Variants in DYNC2H1 observed in about 807,000 individuals in gnomAD.
DYNC2H1 encodes the protein cytoplasmic dynein 2 heavy chain 1.
A neutral mutation model predicts 570.0 loss-of-function variants in DYNC2H1; 410 were observed. The observed-to-expected ratio is 0.72, with a 90% CI of 0.66 to 0.78. The LOEUF (loss-of-function observed/expected upper bound fraction) is 0.78. Ranked by LOEUF, DYNC2H1 falls within the 30% of genes least tolerant of loss-of-function variation. The probability of loss-of-function intolerance (pLI) is 0.00; values close to 1 mark genes in which losing one functional copy is unlikely to be tolerated. For synonymous variants in DYNC2H1, 1,688 were observed against 1,677.6 expected (o/e 1.01, Z -0.15); for missense variants, 4,865 against 5,046.4 (o/e 0.96, Z 1.09).
intron 85 of DYNC2H1, among the ~76,000 whole-genome samples, chr11:103,441,195 C>A (rs11225798): frequency 6.6e-6 from 1 of 151,738 alleles, no homozygotes; most frequent in Admixed American, 6.6e-5. Flanking sequence ...AAACCCAGCT[C>A]GCTCCCTCTC....
rs375636006 is a variant in DYNC2H1 at position 103,156,400 on chromosome 11, C to T, written c.3757C>T (p.Arg1253Trp). 1.7e-5 allele frequency: 27 copies of T among 1,612,426 alleles called. No homozygotes were observed. Among genetic ancestry groups the T allele is most frequent in the East Asian group, 8.9e-5 (4 of 44,828 alleles). ...TTGTGTTAAATAGGATTTAAATAGT[C>T]GGGCACAAGGTGAAGTTACAATCAG... is the stretch of plus-strand genomic sequence containing the variant. ...KAADLKDLNS[R>W]AQGEVTIREA... The change falls in exon 26 of 89, where the codon CGG becomes TGG. Residue 1253 changes from arginine (R) to tryptophan (W), a missense_variant. Physicochemically the swap from Arg to Trp is moderately radical, Grantham distance 101. Around this residue, in one of 5 missense-constraint regions of DYNC2H1, gnomAD observed 1,936 missense variants for 1,962.1 expected, o/e 0.99. Transcript: ENST00000375735.
intron 25 of DYNC2H1, among the ~76,000 whole-genome samples, chr11:103,156,164 A>C (rs1485221772): frequency 6.6e-6 from 1 of 151,930 alleles, no homozygotes; most frequent in East Asian, 1.9e-4. Context: ...AACTTTGTAT[A>C]TATTTTGACC....
intron 28 of DYNC2H1, among the ~76,000 whole-genome samples, chr11:103,160,530 C>A (rs945349708): frequency 1.3e-5 from 2 of 151,938 alleles, no homozygotes; most frequent in African/African-American, 4.8e-5. Flanking sequence ...ATTTTTCACT[C>A]CCCCAAGAAT....
At chr11:103,182,310 C>A (rs1185292305) in intron 40 of DYNC2H1, among the ~76,000 whole-genome samples, 1 of 150,070 alleles carries the variant, frequency 6.7e-6, no homozygotes, top group Non-Finnish European at 1.5e-5. Context: ...CAATAAATAC[C>A]TATATATATG....
At chr11:103,119,536 C>T (rs1234610281) in intron 6 of DYNC2H1, among the ~76,000 whole-genome samples, 11 of 152,094 alleles carry the variant, frequency 7.2e-5, no homozygotes, top group Admixed American at 1.3e-4. Flanking sequence ...GATGGAGTTT[C>T]GCCATGTTGG....
At chr11:103,387,709 T>G (rs1941948045) in intron 83 of DYNC2H1, among the ~76,000 whole-genome samples, 1 of 152,202 alleles carries the variant, frequency 6.6e-6, no homozygotes. Context: ...CAGTTTCAGC[T>G]TTCTATATAT....
At chr11:103,112,274 T>C (rs767880166) in intron 1 of DYNC2H1, among the ~76,000 whole-genome samples, 1 of 152,192 alleles carries the variant, frequency 6.6e-6, no homozygotes, top group South Asian at 2.1e-4. Context: ...TGAAGGAACA[T>C]TGTGGTAGAT....
rs965276359 is a variant in DYNC2H1, at chr11:103,145,840, G to C, written c.2703-1932G>C. On this transcript the variant is annotated intron_variant, in intron 18 of 88. Coordinates refer to ENST00000375735, the MANE Select transcript of DYNC2H1 (RefSeq NM_001377.3). This position sits in a 1 kb window ranked among gnomAD's most constrained non-coding sequence, Gnocchi z 4.2. ...CTATCTATGGCTGAACAGAATCTCA[G>C]TTTCATATTGTGAATATTTTCAAAT... 3.9e-5 allele frequency among the ~76,000 whole-genome samples: 6 copies of C among 152,142 alleles called. No individual in the cohort carries two copies. The highest frequency in any genetic ancestry group is 2.6e-4 in the Admixed American group (4 of 15,276).
intron 24 of DYNC2H1, 34 bp from the exon 25 acceptor site, chr11:103,155,297 A>T (rs768694636): frequency 6.4e-7 from 1 of 1,550,932 alleles, no homozygotes; most frequent in South Asian, 1.2e-5. Flanking sequence ...ATATGTGTAT[A>T]CATATGACTT....
intron 48 of DYNC2H1, 130 bp downstream of exon 48, chr11:103,198,193 G>C: frequency 9.3e-7 from 1 of 1,073,260 alleles, no homozygotes; most frequent in Non-Finnish European, 1.3e-6. Flanking sequence ...TTATCTTTTG[G>C]AATTTAGTCC....
chr11:103,176,866 T>G (rs1452593229), intron 37 of DYNC2H1, among the ~76,000 whole-genome samples: 2 of 151,888 alleles, frequency 1.3e-5, no homozygotes, highest in Admixed American at 1.3e-4. Flanking sequence ...CCACCACACC[T>G]GGCTAATTTT....
chr11:103,441,502 G>T (rs1006209898), intron 85 of DYNC2H1, among the ~76,000 whole-genome samples: 7 of 151,780 alleles, frequency 4.6e-5, no homozygotes, highest in African/African-American at 7.3e-5. Context: ...CTTCATAAGG[G>T]CAGAGATTTT....
chr11:103,194,500 T>C (rs1418876131), intron 47 of DYNC2H1, among the ~76,000 whole-genome samples: 1 of 152,192 alleles, frequency 6.6e-6, no homozygotes, highest in African/African-American at 2.4e-5. Flanking sequence ...ACAGGCTTTT[T>C]TTTATAGCGG....
Position 103,116,708 on chromosome 11 carries a change from A to C in DYNC2H1, c.760A>C (p.Ile254Leu). 1 of 1,587,356 alleles carries C rather than the reference A, an allele frequency of 6.3e-7. No homozygotes were observed. The highest frequency in any genetic ancestry group is 1.2e-5 in the South Asian group (1 of 85,236). ...GTCACGAATGTTGCATCTCTTAGACATCATAGGTACTAGTAAAAAAATGAA... is the reference window on the plus strand; with the variant it reads ...GTCACGAATGTTGCATCTCTTAGACCTCATAGGTACTAGTAAAAAAATGAA... Reference protein sequence around the residue: ...PESRMLHLLDIIGGSFGRFVQ... With the variant: ...PESRMLHLLDLIGGSFGRFVQ... Residue 254 changes from isoleucine to leucine, a missense_variant, in exon 5 of 89, where the codon ATC becomes CTC. By Grantham distance (5) the Ile-to-Leu change is conservative. Coordinates refer to ENST00000375735, the MANE Select transcript of DYNC2H1 (RefSeq NM_001377.3).
intron 83 of DYNC2H1, among the ~76,000 whole-genome samples, chr11:103,388,074 A>G (rs1051584492): frequency 6.6e-6 from 1 of 152,134 alleles, no homozygotes; most frequent in Non-Finnish European, 1.5e-5. Context: ...ATGGCATTGA[A>G]TCTATAAATT....
chr11:103,168,331 G>A (rs1473411576), intron 31 of DYNC2H1, among the ~76,000 whole-genome samples: 2 of 152,100 alleles, frequency 1.3e-5, no homozygotes, highest in Non-Finnish European at 2.9e-5. Flanking sequence ...CCAGAAGGGG[G>A]GAAAAATACA....
chr11:103,260,019 T>TTTATTTTATATTTAAATA, intron 70 of DYNC2H1, 42 bp downstream of exon 70: 1 of 1,059,860 alleles, frequency 9.4e-7, no homozygotes, highest in Non-Finnish European at 1.3e-6. Context: ...TACTACTTGT[T>TTTATTTTATATTTAAATA]CTGTGATTTA....
chr11:103,207,975 GGT>G (rs1404322535), intron 52 of DYNC2H1, among the ~76,000 whole-genome samples: 1 of 152,104 alleles, frequency 6.6e-6, no homozygotes, highest in Admixed American at 6.5e-5. Flanking sequence ...TGGTCAAATT[GGT>G]AGATAGTAGG....
At chr11:103,464,289 G>A (rs918374321) in intron 87 of DYNC2H1, among the ~76,000 whole-genome samples, 1 of 152,036 alleles carries the variant, frequency 6.6e-6, no homozygotes, top group African/African-American at 2.4e-5. Flanking sequence ...GTCTTTAAAT[G>A]AAAAAATTGA....
Sources: allele counts gnomAD v4.1 joint callset (sites outside exome capture counted in the v4.1 genomes callset), GRCh38; gene constraint gnomAD v4.1.1; regional missense constraint gnomAD v4.1.1; non-coding constraint Gnocchi (gnomAD v3.1); transcripts MANE v1.5; gene names NCBI Gene and HGNC (gene_info 2026-07-23, HGNC 2026-07-21).